GUCY1A2: variants seen among roughly 807,000 people sequenced by gnomAD.
The protein encoded by GUCY1A2 is guanylate cyclase 1 soluble subunit alpha 2.
Under a neutral mutation model 63.5 loss-of-function variants are expected in GUCY1A2, and 27 were observed. That is an observed-to-expected ratio of 0.43 (90% confidence interval 0.31 to 0.59). GUCY1A2 has a LOEUF of 0.59. Among genes scored for constraint, GUCY1A2 ranks in the 20% least tolerant of loss-of-function variants. The probability of loss-of-function intolerance (pLI) is 0.11; values close to 1 mark genes in which losing one functional copy is unlikely to be tolerated. For missense variants in GUCY1A2, 768 were observed against 913.3 expected (o/e 0.84, Z 2.05); for synonymous variants, 364 against 343.5 (o/e 1.06, Z -0.66).
chr11:106,856,214 C>T (rs947255266), intron 4 of GUCY1A2, among the ~76,000 whole-genome samples: 3 of 151,776 alleles, frequency 2.0e-5, no homozygotes, highest in Admixed American at 6.6e-5. Context: ...TGCTTGAGCC[C>T]GGAAAGCAGA....
intron 4 of GUCY1A2, among the ~76,000 whole-genome samples, chr11:106,896,560 G>T (rs1196771153): frequency 6.6e-6 from 1 of 152,184 alleles, no homozygotes; most frequent in African/African-American, 2.4e-5. Context: ...GTATTAAGAA[G>T]TGTGGCCTTT....
intron 1 of GUCY1A2, among the ~76,000 whole-genome samples, chr11:107,007,855 A>C (rs1861691669): frequency 6.6e-6 from 1 of 151,750 alleles, no homozygotes; most frequent in Non-Finnish European, 1.5e-5. Context: ...ATAATGAACA[A>C]CACAGCATGA....
intron 4 of GUCY1A2, among the ~76,000 whole-genome samples, chr11:106,838,807 G>A (rs1320505363): frequency 2.0e-5 from 3 of 151,774 alleles, no homozygotes; most frequent in East Asian, 1.9e-4. Flanking sequence ...CATATCCTTC[G>A]CCTACTTTTT....
At chr11:106,712,072 T>C (rs1373921111) in intron 6 of GUCY1A2, among the ~76,000 whole-genome samples, 1 of 152,092 alleles carries the variant, frequency 6.6e-6, no homozygotes, top group Non-Finnish European at 1.5e-5. Context: ...TTTATAGTTT[T>C]TATCAAATTT....
chr11:106,996,362 C>A (rs1861535398), intron 1 of GUCY1A2, among the ~76,000 whole-genome samples: 1 of 152,190 alleles, frequency 6.6e-6, no homozygotes, highest in African/African-American at 2.4e-5. Flanking sequence ...AATGATTCAA[C>A]CATCTTAACT....
chr11:106,889,034 TA>T (rs1859939977), intron 4 of GUCY1A2, among the ~76,000 whole-genome samples: 2 of 152,124 alleles, frequency 1.3e-5, no homozygotes, highest in Admixed American at 1.3e-4. Context: ...TCCATTAGAT[TA>T]AAAAAATTAC....
At chr11:106,948,261 T>C (rs902040661) in intron 3 of GUCY1A2, among the ~76,000 whole-genome samples, 2 of 152,172 alleles carry the variant, frequency 1.3e-5, no homozygotes, top group Admixed American at 6.5e-5. Context: ...TACAGTATAC[T>C]AAGACCAATT....
intron 6 of GUCY1A2, among the ~76,000 whole-genome samples, chr11:106,760,963 A>T (rs1864056530): frequency 6.6e-6 from 1 of 152,200 alleles, no homozygotes; most frequent in South Asian, 2.1e-4. Flanking sequence ...AATGACACTC[A>T]AGAGGTCAAG....
rs924855137 is a variant in GUCY1A2 at position 106,922,545 on chromosome 11, C to T, written c.1206+16915G>A. On this transcript the variant is annotated intron_variant, in intron 4 of 7. Coordinates refer to ENST00000526355, the MANE Select transcript of GUCY1A2 (RefSeq NM_000855.3). ...ATTAAATTGTGAGTACACACACACA[C>T]GAACATATATATATATATATGTTTT... Among the ~76,000 whole-genome samples, 5 of 148,478 alleles carry T rather than the reference C, an allele frequency of 3.4e-5. No individual in the cohort carries two copies. The South Asian group carries it at 6.3e-4, about 19-fold the overall frequency.
chr11:106,821,695 C>T (rs1858905627), intron 4 of GUCY1A2, among the ~76,000 whole-genome samples: 1 of 152,146 alleles, frequency 6.6e-6, no homozygotes. Flanking sequence ...TGAACGAAAC[C>T]TCCTCAGTGT....
intron 3 of GUCY1A2, among the ~76,000 whole-genome samples, chr11:106,966,686 C>A (rs1239751592): frequency 6.6e-6 from 1 of 152,074 alleles, no homozygotes; most frequent in African/African-American, 2.4e-5. Flanking sequence ...GTTAATATAA[C>A]AATATACTAG....
At chr11:107,006,712 CT>C (rs1367135696) in intron 1 of GUCY1A2, among the ~76,000 whole-genome samples, 1 of 152,178 alleles carries the variant, frequency 6.6e-6, no homozygotes, top group Non-Finnish European at 1.5e-5. Context: ...ACTTGATTAT[CT>C]AAAACACTGC....
At chr11:106,905,310 C>G (rs10890622) in intron 4 of GUCY1A2, among the ~76,000 whole-genome samples, 43,851 of 151,956 alleles carry the variant, frequency 0.29, 6,667 homozygotes, top group Non-Finnish European at 0.33. Context: ...TCAGATAAAG[C>G]TGCAATAATA....
intron 4 of GUCY1A2, among the ~76,000 whole-genome samples, chr11:106,833,989 T>C (rs1281709350): frequency 6.6e-6 from 1 of 152,084 alleles, no homozygotes; most frequent in Non-Finnish European, 1.5e-5. Flanking sequence ...CATCATGTTT[T>C]GATACATGTA....
chr11:106,741,143 A>C (rs1863687888), intron 6 of GUCY1A2, among the ~76,000 whole-genome samples: 1 of 152,252 alleles, frequency 6.6e-6, no homozygotes, highest in Admixed American at 6.5e-5. Flanking sequence ...GTTAAAAACA[A>C]AAAAGTCCAA....
intron 6 of GUCY1A2, among the ~76,000 whole-genome samples, chr11:106,709,266 T>TATTA (rs10631780): frequency 0.61 from 61,433 of 101,112 alleles, 18,746 homozygotes; most frequent in African/African-American, 0.71. Flanking sequence ...TATATAAATA[T>TATTA]ATTTATATAT....
At chr11:106,863,030 C>T (rs898575853) in intron 4 of GUCY1A2, among the ~76,000 whole-genome samples, 5 of 152,018 alleles carry the variant, frequency 3.3e-5, no homozygotes, top group African/African-American at 7.2e-5. Flanking sequence ...CTATGCTGCC[C>T]CCTCTCACTG....
intron 4 of GUCY1A2, among the ~76,000 whole-genome samples, chr11:106,908,955 C>T (rs1022326021): frequency 7.9e-5 from 12 of 151,748 alleles, no homozygotes; most frequent in Non-Finnish European, 1.2e-4. Context: ...TGCTGTTGTA[C>T]ACAATAATTA....
At chr11:106,962,326 T>G (rs1591345342) in intron 3 of GUCY1A2, among the ~76,000 whole-genome samples, 1 of 151,332 alleles carries the variant, frequency 6.6e-6, no homozygotes, top group Non-Finnish European at 1.5e-5. Flanking sequence ...CCAAGGCAGG[T>G]GGATCATGAG....
Sources: gnomAD v4.1 joint callset for allele counts (sites outside exome capture counted in the v4.1 genomes callset) on GRCh38, gnomAD v4.1.1 for gene constraint, MANE v1.5 for transcripts, NCBI Gene and HGNC (gene_info 2026-07-23, HGNC 2026-07-21) for gene names.